TMT1B: variants seen among roughly 807,000 people sequenced by gnomAD.
TMT1B encodes thiol methyltransferase 1B.
the TMT1B span, chr12:55,682,171 TGTG>T: frequency 6.2e-7 from 1 of 1,613,788 alleles, no homozygotes. Flanking sequence ...GCTCCATGGA[TGTG>T]GTGGTCTGCA....
At chr12:55,682,315 T>C in the TMT1B span, 2 of 1,538,006 alleles carry the variant, frequency 1.3e-6, no homozygotes, top group Admixed American at 3.9e-5. Context: ...CGCCCCAGGG[T>C]TCGGCCCCCA....
chr12:55,683,794 ACT>A, the TMT1B span: 5 of 1,611,952 alleles, frequency 3.1e-6, no homozygotes, highest in African/African-American at 6.7e-5. Context: ...AGTGACACTA[ACT>A]CTCTCATCCC....
At chr12:55,683,302 T>A in the TMT1B span, among the ~76,000 whole-genome samples, 8 of 152,082 alleles carry the variant, frequency 5.3e-5, no homozygotes, top group Non-Finnish European at 1.5e-5. Flanking sequence ...GAAACCAGAC[T>A]GGCCAACATG....
chr12:55,684,088 C>A, the TMT1B span: 2 of 1,590,036 alleles, frequency 1.3e-6, no homozygotes, highest in South Asian at 2.2e-5. Context: ...GCTCCTTCCC[C>A]AGCCTCCAAT....
chr12:55,682,124 G>A, the TMT1B span: 6 of 1,614,148 alleles, frequency 3.7e-6, no homozygotes, highest in Non-Finnish European at 5.1e-6. Flanking sequence ...GCGGTTTGTG[G>A]TGGCTCCTGG....
chr12:55,683,157 C>T, the TMT1B span, among the ~76,000 whole-genome samples: 1 of 152,182 alleles, frequency 6.6e-6, no homozygotes, highest in East Asian at 1.9e-4. Context: ...GCAGCTTGTG[C>T]ATGCATCTGG....
At chr12:55,684,237 C>T in the TMT1B span, 14 of 590,442 alleles carry the variant, frequency 2.4e-5, no homozygotes, top group South Asian at 1.4e-4. Flanking sequence ...ATCCCGCCTT[C>T]GACAGTGAAA....
chr12:55,681,982 G>A, the TMT1B span: 1 of 1,614,240 alleles, frequency 6.2e-7, no homozygotes, highest in Non-Finnish European at 8.5e-7. Flanking sequence ...CCCTACTGGA[G>A]CTGGGCTGCG....
chr12:55,682,087 G>A, the TMT1B span: 1 of 1,614,200 alleles, frequency 6.2e-7, no homozygotes, highest in South Asian at 1.1e-5. Context: ...CAAAGAGCAT[G>A]GCTGAGAACA....
chr12:55,682,365 C>A, the TMT1B span: 4 of 988,046 alleles, frequency 4.0e-6, no homozygotes, highest in Non-Finnish European at 5.9e-6. Flanking sequence ...CATTAGACAC[C>A]CCATCCACCT....
the TMT1B span, chr12:55,681,981 A>T: frequency 1.1e-4 from 182 of 1,614,108 alleles, no homozygotes; most frequent in Non-Finnish European, 1.3e-4. Context: ...GCCCTACTGG[A>T]GCTGGGCTGC....
the TMT1B span, among the ~76,000 whole-genome samples, chr12:55,683,221 C>T: frequency 5.3e-5 from 8 of 152,272 alleles, no homozygotes; most frequent in Middle Eastern, 3.4e-3. Context: ...CCCAGCTGGG[C>T]GAGGTGGCTC....
chr12:55,683,819 G>A, the TMT1B span: 1,486 of 1,613,944 alleles, frequency 9.2e-4, 3 homozygotes, highest in South Asian at 1.6e-3. Context: ...CCAGGGAGGT[G>A]TGCTCTTTTT....
the TMT1B span, chr12:55,683,810 C>T: frequency 6.2e-6 from 10 of 1,613,658 alleles, no homozygotes; most frequent in Non-Finnish European, 3.4e-6. Context: ...TCATCCCTCC[C>T]AGGGAGGTGT....
At chr12:55,682,319 GC>G in the TMT1B span, 6 of 1,526,320 alleles carry the variant, frequency 3.9e-6, no homozygotes, top group Non-Finnish European at 5.3e-6. Context: ...CCAGGGTTCG[GC>G]CCCCAGAATG....
the TMT1B span, chr12:55,684,085 C>A: frequency 6.3e-7 from 1 of 1,590,528 alleles, no homozygotes; most frequent in Non-Finnish European, 8.6e-7. Context: ...TTTGCTCCTT[C>A]CCCAGCCTCC....
At chr12:55,684,119 C>A in the TMT1B span, 33 of 1,414,692 alleles carry the variant, frequency 2.3e-5, 1 homozygote, top group Admixed American at 1.0e-4. Flanking sequence ...CACCCACCAG[C>A]CTATCTATCT....
the TMT1B span, among the ~76,000 whole-genome samples, chr12:55,683,500 A>G: frequency 6.6e-6 from 1 of 151,832 alleles, no homozygotes; most frequent in Non-Finnish European, 1.5e-5. Context: ...GTCTCAAAAA[A>G]TAATAATAAT....
the TMT1B span, chr12:55,684,043 C>T: frequency 6.8e-6 from 11 of 1,612,724 alleles, no homozygotes; most frequent in Non-Finnish European, 8.5e-6. Context: ...GAAAGGCTGT[C>T]AAATAATCTT....
Sources: gnomAD v4.1 joint callset for allele counts (sites outside exome capture counted in the v4.1 genomes callset) on GRCh38, gnomAD v4.1.1 for gene constraint, MANE v1.5 for transcripts, NCBI Gene and HGNC (gene_info 2026-07-23, HGNC 2026-07-21) for gene names.